The following RTL4 variants were observed in gnomAD, a reference collection of about 807,000 sequenced individuals.
The protein encoded by RTL4 is retrotransposon Gag like 4.
RTL4 carries 4 observed loss-of-function variants against 5.3 expected under a neutral mutation model. The observed-to-expected ratio is 0.75, with a 90% CI of 0.37 to 1.72. RTL4 has a LOEUF of 1.72. RTL4 is among the 40% of genes most tolerant of loss of function. The pLI, the probability that RTL4 is intolerant of heterozygous loss-of-function variation, is 0.04. For missense variants in RTL4, 260 were observed against 227.1 expected, an observed-to-expected ratio of 1.14 and a Z score of -0.93; for synonymous variants, 98 against 87.3, an observed-to-expected ratio of 1.12 and a Z score of -0.68.
the RTL4 span, among the ~76,000 whole-genome samples, chrX:112,140,403 A>C: frequency 8.9e-6 from 1 of 111,956 alleles, no homozygotes; most frequent in African/African-American, 3.2e-5. Context: ...CTAGAAATGT[A>C]TATGTCTTAG....
At chrX:112,432,891 C>G in the RTL4 span, among the ~76,000 whole-genome samples, 8 of 111,985 alleles carry the variant, frequency 7.1e-5, no homozygotes, top group South Asian at 2.6e-3. Flanking sequence ...TTTAATCCAT[C>G]TTGAATTAAT....
the RTL4 span, among the ~76,000 whole-genome samples, chrX:112,305,669 C>T: frequency 8.9e-6 from 1 of 111,849 alleles, no homozygotes; most frequent in African/African-American, 3.3e-5. Flanking sequence ...CGGCCAACAA[C>T]CATACCTTTT....
At chrX:112,105,291 T>C in the RTL4 span, among the ~76,000 whole-genome samples, 1 of 111,981 alleles carries the variant, frequency 8.9e-6, no homozygotes, top group Admixed American at 9.5e-5. Context: ...TACTATAGCT[T>C]TATAGCATAT....
chrX:112,122,016 T>G, the RTL4 span, among the ~76,000 whole-genome samples: 4 of 111,772 alleles, frequency 3.6e-5, no homozygotes, highest in Non-Finnish European at 7.5e-5. Flanking sequence ...AACATTATAC[T>G]TAATGTTTGA....
At chrX:112,384,984 G>A in the RTL4 span, among the ~76,000 whole-genome samples, 1 of 111,318 alleles carries the variant, frequency 9.0e-6, no homozygotes, top group Admixed American at 9.6e-5. Context: ...GTGAATGGGA[G>A]TTCACTCATG....
chrX:112,431,593 C>T, the RTL4 span, among the ~76,000 whole-genome samples: 1 of 111,678 alleles, frequency 9.0e-6, no homozygotes, highest in Non-Finnish European at 1.9e-5. Flanking sequence ...TCTCCATCTG[C>T]CTGTCTGTCT....
the RTL4 span, among the ~76,000 whole-genome samples, chrX:112,303,593 T>A: frequency 7.8e-5 from 5 of 64,460 alleles, no homozygotes; most frequent in Non-Finnish European, 1.1e-4. Flanking sequence ...AACATCACAC[T>A]CTGGGGCCTG....
chrX:112,457,066 C>G (rs1926857324), exon 1 of RTL4: 1 of 123,294 alleles, frequency 8.1e-6, no homozygotes, highest in African/African-American at 3.2e-5. Flanking sequence ...AATGGATATC[C>G]TGGAGAAATA....
chrX:112,255,332 C>T, the RTL4 span, among the ~76,000 whole-genome samples: 7 of 111,793 alleles, frequency 6.3e-5, no homozygotes, highest in Non-Finnish European at 9.4e-5. Context: ...TTAGAAAGAA[C>T]ATTCTGGCTG....
chrX:112,447,987 T>C, the RTL4 span, among the ~76,000 whole-genome samples: 1 of 111,717 alleles, frequency 9.0e-6, no homozygotes, highest in African/African-American at 3.3e-5. Context: ...ATATTAAGCT[T>C]TCTCCACCTT....
chrX:112,165,454 T>C, the RTL4 span, among the ~76,000 whole-genome samples: 4 of 111,161 alleles, frequency 3.6e-5, no homozygotes, highest in African/African-American at 1.3e-4. Context: ...TCTAGGCACA[T>C]AGTAGGTCCT....
chrX:112,272,300 C>A, the RTL4 span, among the ~76,000 whole-genome samples: 4 of 111,775 alleles, frequency 3.6e-5, no homozygotes, highest in African/African-American at 1.3e-4. Context: ...ATGATTATAT[C>A]TAACATTTTT....
the RTL4 span, among the ~76,000 whole-genome samples, chrX:112,358,310 T>C: frequency 8.2e-3 from 884 of 107,654 alleles, 15 homozygotes; most frequent in African/African-American, 0.029. Flanking sequence ...GGTCTTGCCA[T>C]GTTGGTCAGG....
the RTL4 span, among the ~76,000 whole-genome samples, chrX:112,295,858 A>G: frequency 5.3e-5 from 6 of 112,468 alleles, no homozygotes; most frequent in African/African-American, 1.9e-4. Flanking sequence ...GTGTTTTTAT[A>G]TTGAAATGCC....
the RTL4 span, among the ~76,000 whole-genome samples, chrX:112,352,039 A>G: frequency 9.0e-6 from 1 of 111,371 alleles, no homozygotes; most frequent in Non-Finnish European, 1.9e-5. Context: ...TGTTTCCTTC[A>G]GGAGCTCTTT....
At chrX:112,258,807 G>C in the RTL4 span, among the ~76,000 whole-genome samples, 3 of 111,300 alleles carry the variant, frequency 2.7e-5, no homozygotes, top group African/African-American at 9.8e-5. Context: ...TAAACATTCT[G>C]TCATATTTTC....
At chrX:112,146,419 T>C in the RTL4 span, among the ~76,000 whole-genome samples, 14 of 111,598 alleles carry the variant, frequency 1.3e-4, no homozygotes, top group African/African-American at 4.2e-4. Flanking sequence ...AGATGCTGAG[T>C]TGGCATCGCA....
At chrX:112,424,118 C>T in the RTL4 span, among the ~76,000 whole-genome samples, 1 of 111,507 alleles carries the variant, frequency 9.0e-6, no homozygotes, top group Non-Finnish European at 1.9e-5. Flanking sequence ...ACAGTTTTTT[C>T]CAGTTGGAAC....
chrX:112,182,762 C>T, the RTL4 span, among the ~76,000 whole-genome samples: 2 of 112,149 alleles, frequency 1.8e-5, no homozygotes, highest in East Asian at 2.8e-4. Flanking sequence ...TTATCCAGAA[C>T]TTTCCCAACC....
Sources: gnomAD v4.1 joint callset for allele counts (sites outside exome capture counted in the v4.1 genomes callset) on GRCh38, gnomAD v4.1.1 for gene constraint, MANE v1.5 for transcripts, NCBI Gene and HGNC (gene_info 2026-07-23, HGNC 2026-07-21) for gene names.